Variants in IFT122 observed in about 807,000 individuals in gnomAD.
IFT122 encodes intraflagellar transport protein 122 homolog.
In IFT122, 118 loss-of-function variants were observed where a neutral mutation model predicts 161.6. That is an observed-to-expected ratio of 0.73 (90% CI 0.63 to 0.85). IFT122 has a LOEUF of 0.85. IFT122 is among the 40% of genes least tolerant of loss of function. The probability of loss-of-function intolerance (pLI) is 0.00; values close to 1 mark genes in which losing one functional copy is unlikely to be tolerated. For synonymous variants in IFT122, 550 were observed against 602.4 expected (o/e 0.91, Z 1.27); for missense variants, 1,381 against 1,579.6 (o/e 0.87, Z 2.13).
rs559739409 is a variant in IFT122, at chr3:129,457,959, C to T, written c.194-640C>T. 1.2e-4 allele frequency: 19 copies of T among 156,668 alleles called. No homozygotes were observed. In the South Asian group the frequency reaches 1.4e-3, roughly 12 times the overall value. 9.7% of individuals were successfully genotyped at this position (156,668 alleles called of 1,614,324 possible). On this transcript the variant is annotated intron_variant, in intron 3 of 29. Coordinates refer to ENST00000348417, the MANE Select transcript of IFT122 (RefSeq NM_052989.3). ...TTCACCGTGTTGGCCAGGATGGTCT[C>T]GATCTCCTGACCTCGTGATCCACCC...
intron 3 of IFT122, chr3:129,452,324 TA>T (rs1254241362): frequency 6.2e-6 from 2 of 324,202 alleles, no homozygotes; most frequent in South Asian, 2.6e-5. Context: ...GTAAACATAG[TA>T]AAAAGGTAAA....
chr3:129,504,037 C>A, intron 20 of IFT122: 1 of 439,496 alleles, frequency 2.3e-6, no homozygotes, highest in South Asian at 2.1e-5. Context: ...CGCAAACCCT[C>A]AAAATAAAAT....
At chr3:129,483,428 A>G in intron 14 of IFT122, 57 bp from the exon 15 acceptor site, 1 of 1,456,882 alleles carries the variant, frequency 6.9e-7, no homozygotes, top group Non-Finnish European at 9.6e-7. Context: ...GAAATGTGTG[A>G]GCGCTGACCA....
At chr3:129,456,632 G>T (rs1359020736) in intron 3 of IFT122, among the ~76,000 whole-genome samples, 1 of 151,692 alleles carries the variant, frequency 6.6e-6, no homozygotes, top group Non-Finnish European at 1.5e-5. Flanking sequence ...GCTAGACTCC[G>T]TCTCAAAAAG....
intron 29 of IFT122, 50 bp from the exon 30 acceptor site, chr3:129,520,126 G>T: frequency 6.7e-7 from 1 of 1,495,952 alleles, no homozygotes; most frequent in Non-Finnish European, 9.2e-7. Flanking sequence ...CAGGCGTAGG[G>T]CTGATGAGCA....
At chr3:129,487,925 T>C (rs1427883318) in intron 15 of IFT122, 2 of 402,854 alleles carry the variant, frequency 5.0e-6, no homozygotes, top group East Asian at 5.1e-5. Context: ...GAAAGCCAAA[T>C]AGGTATTTTC....
At position 129,459,716 on chromosome 3, in the gene IFT122, CCTTCCTTCCT is replaced by C. The variant is rs1174201883; in HGVS notation, c.272+1040_272+1049del. Among the ~76,000 whole-genome samples the C allele has an allele frequency of 4.0e-4, 42 of 104,226 alleles. 3 individuals carry two copies. The highest frequency in any genetic ancestry group is 3.8e-3 in the South Asian group (10 of 2,652). 68.4% of individuals were successfully genotyped at this position (104,226 alleles called of 152,430 possible). A position where few individuals can be genotyped will look rare whatever the true frequency, so the allele number is the denominator to read the frequency against. ...TCCTTCCTTCCTTCCTTCCTTCCTTCCTTCCTTCCTTCCCTCCCTCCCTCCCTTCTTCCTT... is the reference window on the plus strand; with the variant it reads ...TCCTTCCTTCCTTCCTTCCTTCCTTCTCCCTCCCTCCCTCCCTTCTTCCTT... On this transcript the variant is annotated intron_variant, in intron 4 of 29. Coordinates refer to ENST00000348417, the MANE Select transcript of IFT122 (RefSeq NM_052989.3).
chr3:129,504,152 G>T (rs145749386), intron 20 of IFT122, 167 bp from the exon 21 acceptor site: 8 of 638,388 alleles, frequency 1.3e-5, no homozygotes, highest in Admixed American at 7.6e-5. Flanking sequence ...TCGAAGAGCT[G>T]ATTTGTTTTT....
At chr3:129,498,457 C>T (rs575759125) in intron 18 of IFT122, among the ~76,000 whole-genome samples, 48 of 152,334 alleles carry the variant, frequency 3.2e-4, no homozygotes, top group African/African-American at 1.1e-3. Context: ...CCAAACTAGG[C>T]GGGGACAGCG....
chr3:129,456,220 C>T, intron 3 of IFT122: 1 of 1,286,032 alleles, frequency 7.8e-7, no homozygotes, highest in Non-Finnish European at 1.0e-6. Context: ...CTTTTCATCA[C>T]CATCACCTGC....
intron 13 of IFT122, chr3:129,481,264 C>T (rs1214833419): frequency 1.1e-5 from 5 of 441,494 alleles, no homozygotes; most frequent in South Asian, 2.0e-5. Context: ...ATCCCCAGTC[C>T]GAACAGACAC....
chr3:129,443,666 A>G (rs1471534742), intron 1 of IFT122, among the ~76,000 whole-genome samples: 4 of 152,246 alleles, frequency 2.6e-5, no homozygotes, highest in Non-Finnish European at 5.9e-5. Context: ...GTGTATGACT[A>G]TAATTAAAGG....
chr3:129,471,216 G>A (rs941584345), intron 9 of IFT122, among the ~76,000 whole-genome samples: 1 of 152,194 alleles, frequency 6.6e-6, no homozygotes, highest in African/African-American at 2.4e-5. Flanking sequence ...TTAGATGTGT[G>A]TAGCCCAGCT....
In IFT122 at chr3:129,469,363, G is replaced by C. The variant is rs746580177; in HGVS notation, c.762G>C (p.Leu254=). ...DDNLEERNDI[L]AVADWGQKVS... ...TTAGAGAGGAACGTAATGACATCCT[G>C]GCTGTGGCTGACTGGGGACAGAAAG... Residue 254 remains leucine (L), a synonymous_variant, in exon 9 of 30, where the codon CTG becomes CTC. Coordinates refer to ENST00000348417, the MANE Select transcript of IFT122 (RefSeq NM_052989.3). 6.2e-7 allele frequency: 1 copy of C among 1,614,030 alleles called. No individual in the cohort carries two copies. Among genetic ancestry groups the C allele is most frequent in the South Asian group, 1.1e-5 (1 of 91,062 alleles).
At chr3:129,448,587 C>G (rs536157886) in intron 1 of IFT122, among the ~76,000 whole-genome samples, 1 of 152,190 alleles carries the variant, frequency 6.6e-6, no homozygotes, top group African/African-American at 2.4e-5. Context: ...AAAGGGAGGA[C>G]AGAACCTCCA....
chr3:129,515,658 C>T, intron 26 of IFT122, 59 bp downstream of exon 26: 1 of 1,442,774 alleles, frequency 6.9e-7, no homozygotes, highest in Non-Finnish European at 9.8e-7. Context: ...CAGGCTCACT[C>T]CACTGCTCTC....
Position 129,500,060 on chromosome 3 carries a change from G to T in IFT122, c.2367G>T (p.Trp789Cys). 1 of 1,614,178 alleles carries T rather than the reference G, an allele frequency of 6.2e-7. No homozygotes were observed. The highest frequency in any genetic ancestry group is 1.1e-5 in the South Asian group (1 of 91,078). The change falls in exon 19 of 30, where the codon TGG becomes TGT. Residue 789 changes from tryptophan to cysteine, a missense_variant. By Grantham distance (215) the Trp-to-Cys change is radical (BLOSUM62 -2). Transcript: ENST00000348417. ...KAIEICGDHG[W>C]VDMLIDIARK... ...TCGAGATCTGTGGTGACCATGGCTG[G>T]GTTGACATGTAGGTTTTGGTCCCTG...
At chr3:129,490,629 A>G (rs560856018) in intron 16 of IFT122, among the ~76,000 whole-genome samples, 2 of 152,324 alleles carry the variant, frequency 1.3e-5, no homozygotes, top group South Asian at 4.1e-4. Context: ...CCTTTCCACA[A>G]AGAAGATGGT....
intron 21 of IFT122, among the ~76,000 whole-genome samples, chr3:129,504,626 C>T (rs993317876): frequency 7.9e-5 from 12 of 152,248 alleles, no homozygotes; most frequent in African/African-American, 2.4e-4. Context: ...GGGCCACACT[C>T]ACTTGCCACA....
Sources: gnomAD v4.1 joint callset for allele counts (sites outside exome capture counted in the v4.1 genomes callset) on GRCh38, gnomAD v4.1.1 for gene constraint, MANE v1.5 for transcripts, NCBI Gene and HGNC (gene_info 2026-07-23, HGNC 2026-07-21) for gene names.